The following ITPKC variants were observed in gnomAD, a reference collection of about 807,000 sequenced individuals.
ITPKC encodes the protein IP3 3-kinase C.
A neutral mutation model predicts 67.1 loss-of-function variants in ITPKC; 33 were observed. The ratio of observed to expected loss-of-function variants is 0.49; its 90% confidence interval spans 0.37 to 0.66. The LOEUF is 0.66. ITPKC is among the 30% of genes least tolerant of loss of function. The pLI is 0.00. For synonymous variants in ITPKC, 341 were observed against 359.8 expected (o/e 0.95, Z 0.59); for missense variants, 820 against 892.1 (o/e 0.92, Z 1.03).
chr19:40,734,207 G>GT (rs200358756), intron 4 of ITPKC, among the ~76,000 whole-genome samples: 231 of 151,250 alleles, frequency 1.5e-3, no homozygotes, highest in African/African-American at 5.3e-3. Flanking sequence ...TCCTCTTTCT[G>GT]TTTTTTTTTC....
At chr19:40,724,422 TC>T (rs908710489) in intron 1 of ITPKC, among the ~76,000 whole-genome samples, 1 of 151,774 alleles carries the variant, frequency 6.6e-6, no homozygotes, top group Non-Finnish European at 1.5e-5. Context: ...AAAACAACAA[TC>T]CCCAGTTCAG....
At position 40,717,205 on chromosome 19, in the gene ITPKC, AT is replaced by A; in HGVS notation, c.71del (p.Met24ArgfsTer81). 2 of 1,224,296 alleles carry A rather than the reference AT, an allele frequency of 1.6e-6. No homozygotes were observed. The allele number at this position is 1,224,296 out of a possible 1,614,324, so 75.8% of individuals were successfully genotyped here. ...CGGGGCGCTGCCCGCGGCGGCCCGC[AT>A]GGGACTGGAGGCGCCGCGAGGAGGG... ...EAGALPAAARMGLEAPRGGRR... is the reference protein window; with the variant it reads ...EAGALPAAARXGLEAPRGGRR... On this transcript the variant is annotated frameshift_variant, in exon 1 of 7. Coordinates refer to ENST00000263370, the MANE Select transcript of ITPKC (RefSeq NM_025194.3). LOFTEE classifies it high-confidence loss of function.
Position 40,739,818 on chromosome 19 carries a change from A to C in ITPKC, c.*258A>C. ...GAGGCAGTGAGTCAGAAAAACCAGA[A>C]CGGGGTCCCCGGATCTGCCGGGAAG... On this transcript the variant is annotated 3_prime_UTR_variant, in exon 7 of 7. Transcript: ENST00000263370. 4 of 522,098 alleles carry C rather than the reference A, an allele frequency of 7.7e-6. No individual in the cohort carries two copies. The highest frequency in any genetic ancestry group is 3.4e-5 in the Admixed American group (1 of 29,308). 32.3% of individuals were successfully genotyped at this position (522,098 alleles called of 1,614,324 possible). A position where few individuals can be genotyped will look rare whatever the true frequency, so the allele number is the denominator to read the frequency against.
In ITPKC at chr19:40,739,490, A is replaced by G. The variant is rs1441950587; in HGVS notation, c.1982A>G (p.Asn661Ser). ...LSHRLPWAEG[N>S]REDGYLWGLD... ...CACAGGCTGCCCTGGGCTGAGGGCA[A>G]CCGTGAGGACGGCTACCTCTGGGGC... Residue 661 changes from asparagine to serine, a missense_variant, in exon 7 of 7, where the codon AAC (asparagine) becomes AGC (serine). Physicochemically the swap from Asn to Ser is conservative, Grantham distance 46 (BLOSUM62 1). Around this residue, in one of 2 missense-constraint regions of ITPKC, gnomAD observed 339 missense variants for 422.0 expected, o/e 0.80. Coordinates refer to ENST00000263370, the MANE Select transcript of ITPKC (RefSeq NM_025194.3). 6.2e-7 allele frequency: 1 copy of G among 1,613,556 alleles called. No homozygotes were observed. Among genetic ancestry groups the G allele is most frequent in the East Asian group, 2.2e-5 (1 of 44,874 alleles).
intron 3 of ITPKC, among the ~76,000 whole-genome samples, chr19:40,731,392 C>T (rs1016175871): frequency 1.3e-5 from 2 of 152,208 alleles, no homozygotes; most frequent in Admixed American, 6.5e-5. Flanking sequence ...AACCATCCCC[C>T]TCACAGTCTG....
Position 40,740,057 on chromosome 19 carries a change from TG to T in ITPKC, c.*501del. 6.2e-6 allele frequency: 1 copy of T among 160,514 alleles called. No homozygotes were observed. Among genetic ancestry groups the T allele is most frequent in the Non-Finnish European group, 1.4e-5 (1 of 73,236 alleles). 9.9% of individuals were successfully genotyped at this position (160,514 alleles called of 1,614,324 possible). Reference sequence around the variant, plus strand: ...CAGATGCAGGCGCTGCTGGACCATCTGGGGAGAGTGACAGTCCATGTCTTCA... The same window carrying T: ...CAGATGCAGGCGCTGCTGGACCATCTGGGAGAGTGACAGTCCATGTCTTCA... On this transcript the variant is annotated 3_prime_UTR_variant, in exon 7 of 7. Coordinates refer to ENST00000263370, the MANE Select transcript of ITPKC (RefSeq NM_025194.3).
At chr19:40,726,109 C>T (rs1040339559) in intron 2 of ITPKC, among the ~76,000 whole-genome samples, 2 of 151,990 alleles carry the variant, frequency 1.3e-5, no homozygotes, top group African/African-American at 2.4e-5. Flanking sequence ...GGCATGGTGG[C>T]GGGTGCCTGT....
chr19:40,729,099 G>A (rs1040287848), intron 2 of ITPKC, 103 bp from the exon 3 acceptor site: 5 of 840,782 alleles, frequency 5.9e-6, no homozygotes, highest in Admixed American at 2.1e-5. Flanking sequence ...CAGGAGGGTC[G>A]GGCAAGATAA....
intron 2 of ITPKC, among the ~76,000 whole-genome samples, chr19:40,727,205 G>A (rs2082249931): frequency 6.6e-6 from 1 of 151,952 alleles, no homozygotes. Context: ...ATGGTGGCGG[G>A]CGCCTGTAAT....
intron 3 of ITPKC, among the ~76,000 whole-genome samples, chr19:40,731,508 C>T (rs1311967794): frequency 6.6e-6 from 1 of 150,952 alleles, no homozygotes; most frequent in Non-Finnish European, 1.5e-5. Flanking sequence ...GGAAGGGGTA[C>T]GGAGCTTCCA....
chr19:40,737,648 A>AGGCCCCACAAAGTCCCCAT, intron 5 of ITPKC, 50 bp from the exon 6 acceptor site: 1 of 1,521,804 alleles, frequency 6.6e-7, no homozygotes, highest in Non-Finnish European at 9.1e-7. Context: ...AAGGTGGGCA[A>AGGCCCCACAAAGTCCCCAT]GGCCCCACAA....
At chr19:40,731,433 C>T (rs1432255281) in intron 3 of ITPKC, among the ~76,000 whole-genome samples, 1 of 152,112 alleles carries the variant, frequency 6.6e-6, no homozygotes, top group Non-Finnish European at 1.5e-5. Context: ...AAAACCAGTC[C>T]CTGGTTGGGT....
intron 4 of ITPKC, 51 bp downstream of exon 4, chr19:40,733,415 C>T: frequency 1.3e-6 from 2 of 1,520,606 alleles, no homozygotes; most frequent in Non-Finnish European, 1.8e-6. Flanking sequence ...ATAGCCAGAT[C>T]CCAGGCAGGG....
Position 40,717,808 on chromosome 19 carries a change from G to A in ITPKC, c.673G>A (p.Glu225Lys). 2 of 1,614,094 alleles carry A rather than the reference G, an allele frequency of 1.2e-6. No individual in the cohort carries two copies. Among genetic ancestry groups the A allele is most frequent in the Non-Finnish European group, 1.7e-6 (2 of 1,180,012 alleles). The change falls in exon 1 of 7, where the codon GAA (glutamate) becomes AAA (lysine). Residue 225 changes from glutamate (E) to lysine (K), a missense_variant. By Grantham distance (56) the Glu-to-Lys change is moderately conservative (BLOSUM62 1). This residue lies in a region of ITPKC where 481 missense variants were observed against 470.1 expected (regional missense o/e 1.02). Coordinates refer to ENST00000263370, the MANE Select transcript of ITPKC (RefSeq NM_025194.3). ...KEPSADGSWK[E>K]LYTDGSRTQQ... ...GCCAAGTGCTGATGGCTCCTGGAAA[G>A]AATTGTATACTGATGGCTCCAGGAC...
In ITPKC at chr19:40,717,423, G is replaced by A. The variant is rs751055594; in HGVS notation, c.288G>A (p.Glu96=). The A allele has an allele frequency of 6.2e-7, 1 of 1,613,920 alleles. No individual in the cohort carries two copies. Among genetic ancestry groups the A allele is most frequent in the Non-Finnish European group, 8.5e-7 (1 of 1,180,010 alleles). Reference sequence around the variant, plus strand: ...AATTCTGGACAGACGGACAGACTGAGCCCGCGGCAGCTGGCCTTGGAGTAG... The same window carrying A: ...AATTCTGGACAGACGGACAGACTGAACCCGCGGCAGCTGGCCTTGGAGTAG... ...QAEFWTDGQT[E]PAAAGLGVET... is the part of the protein sequence containing the mutation. The change falls in exon 1 of 7, where the codon GAG becomes GAA. Residue 96 remains glutamate, a synonymous_variant. Coordinates refer to ENST00000263370, the MANE Select transcript of ITPKC (RefSeq NM_025194.3).
chr19:40,725,103 A>G (rs1433298290), intron 1 of ITPKC, among the ~76,000 whole-genome samples: 1 of 152,160 alleles, frequency 6.6e-6, no homozygotes, highest in Non-Finnish European at 1.5e-5. Context: ...GAAAGTGATG[A>G]CAGAGGGGAG....
chr19:40,736,920 G>T (rs932517840), intron 4 of ITPKC, 66 bp from the exon 5 acceptor site: 2 of 1,098,090 alleles, frequency 1.8e-6, no homozygotes, highest in Non-Finnish European at 1.4e-6. Flanking sequence ...GGTATTTGAG[G>T]TTGCTGGGTA....
In ITPKC at chr19:40,733,101, G is replaced by A; in HGVS notation, c.1470-59G>A. 5 of 1,464,092 alleles carry A rather than the reference G, an allele frequency of 3.4e-6. No homozygotes were observed. The South Asian group carries it at 4.7e-5, about 14-fold the overall frequency. 90.7% of individuals were successfully genotyped at this position (1,464,092 alleles called of 1,614,324 possible). A position where few individuals can be genotyped will look rare whatever the true frequency, so the allele number is the denominator to read the frequency against. Reference sequence around the variant, plus strand: ...TGGCTTTATGTCTTAATATCAGGAAGGGTAAGCCCTCCAGTTTGTTCTACA... The same window carrying A: ...TGGCTTTATGTCTTAATATCAGGAAAGGTAAGCCCTCCAGTTTGTTCTACA... On this transcript the variant is annotated intron_variant, in intron 3 of 6. Transcript: ENST00000263370.
At chr19:40,725,951 A>G (rs1449850451) in intron 2 of ITPKC, among the ~76,000 whole-genome samples, 1 of 152,006 alleles carries the variant, frequency 6.6e-6, no homozygotes, top group Non-Finnish European at 1.5e-5. Flanking sequence ...TAAAAAAAAA[A>G]AAAGATTGGC....
Sources: gnomAD v4.1 joint callset for allele counts (sites outside exome capture counted in the v4.1 genomes callset) on GRCh38, gnomAD v4.1.1 for gene constraint, gnomAD v4.1.1 regional missense constraint, MANE v1.5 for transcripts, NCBI Gene and HGNC (gene_info 2026-07-23, HGNC 2026-07-21) for gene names.